Variants in NOA1 observed in about 807,000 individuals in gnomAD.
NOA1 encodes the protein nitric oxide-associated protein 1.
NOA1 carries 35 observed loss-of-function variants against 58.4 expected under a neutral mutation model. The ratio of observed to expected loss-of-function variants is 0.60; its 90% confidence interval spans 0.46 to 0.79. The LOEUF is 0.79. NOA1 is among the 30% of genes least tolerant of loss of function. NOA1 has a pLI of 0.00. For synonymous variants in NOA1, 397 were observed against 373.4 expected (o/e 1.06, Z -0.73); for missense variants, 895 against 894.6 (o/e 1.00, Z -0.01).
intron 1 of NOA1, among the ~76,000 whole-genome samples, 197 bp downstream of exon 1, chr4:56,976,242 TTAC>T (rs1721918462): frequency 6.6e-6 from 1 of 152,088 alleles, no homozygotes; most frequent in African/African-American, 2.4e-5. Context: ...CCATTGAAAA[TTAC>T]TACAACACAT....
intron 2 of NOA1, 50 bp from the exon 3 acceptor site, chr4:56,973,403 C>T (rs762469011): frequency 2.1e-6 from 3 of 1,416,014 alleles, no homozygotes; most frequent in Non-Finnish European, 3.0e-6. Flanking sequence ...ATACTTTTAA[C>T]TCCAGACATA....
At chr4:56,965,693 G>GGTGTGTGTGTGTGTGT (rs10548713) in intron 5 of NOA1, among the ~76,000 whole-genome samples, 25 of 149,172 alleles carry the variant, frequency 1.7e-4, no homozygotes, top group African/African-American at 5.9e-4. Flanking sequence ...TCCAAAGTAT[G>GGTGTGTGTGTGTGTGT]GTGTGTGTGT....
At chr4:56,966,117 C>T (rs1265397378) in intron 5 of NOA1, among the ~76,000 whole-genome samples, 1 of 150,522 alleles carries the variant, frequency 6.6e-6, no homozygotes, top group African/African-American at 2.5e-5. Context: ...ACCTCTGCCG[C>T]TCTGGTTCAA....
Position 56,963,489 on chromosome 4 carries a change from C to T in NOA1, c.2058G>A (p.Met686Ile), listed in dbSNP as rs1457445893. ...AYKTKKPPSL[M>I]YNVRKKKGKI... ...TTCCTTTCTTCTTCCTCACGTTGTA[C>T]ATAAGGGAAGGAGGCTTCTTGGTTT... Residue 686 changes from methionine (M) to isoleucine (I), a missense_variant, in exon 7 of 7, where the codon ATG (methionine) becomes ATA (isoleucine). Met to Ile is a conservative substitution (Grantham distance 10, BLOSUM62 1). This residue lies in a region of NOA1 where 212 missense variants were observed against 221.3 expected (regional missense o/e 0.96). Transcript: ENST00000264230. 1.8e-5 allele frequency: 29 copies of T among 1,613,930 alleles called. No homozygotes were observed. Among genetic ancestry groups the T allele is most frequent in the Admixed American group, 5.0e-5 (3 of 59,988 alleles).
chr4:56,964,727 A>G (rs1721666494), intron 5 of NOA1, among the ~76,000 whole-genome samples: 1 of 152,152 alleles, frequency 6.6e-6, no homozygotes, highest in Non-Finnish European at 1.5e-5. Flanking sequence ...AAGCTTACAA[A>G]TCTCAGGGCT....
chr4:56,970,077 C>A (rs1271688108), intron 3 of NOA1, among the ~76,000 whole-genome samples: 1 of 151,958 alleles, frequency 6.6e-6, no homozygotes, highest in African/African-American at 2.4e-5. Context: ...CACCATTGTG[C>A]CCAGCTGAGC....
intron 1 of NOA1, among the ~76,000 whole-genome samples, chr4:56,974,776 G>A (rs1291131966): frequency 6.6e-6 from 1 of 151,408 alleles, no homozygotes; most frequent in Admixed American, 6.6e-5. Context: ...GCAGTGGTGT[G>A]ATCTTGGCTC....
intron 3 of NOA1, among the ~76,000 whole-genome samples, chr4:56,969,242 A>G (rs1457180976): frequency 6.6e-6 from 1 of 152,236 alleles, no homozygotes; most frequent in African/African-American, 2.4e-5. Flanking sequence ...AAAAGAATAA[A>G]GAAGGTACAA....
At chr4:56,967,464 G>A (rs1721735545) in intron 4 of NOA1, among the ~76,000 whole-genome samples, 2 of 150,504 alleles carry the variant, frequency 1.3e-5, no homozygotes, top group African/African-American at 4.9e-5. Flanking sequence ...AAATATATAA[G>A]GGTTCTAAGT....
chr4:56,966,018 CTT>C (rs57382498), intron 5 of NOA1, among the ~76,000 whole-genome samples: 24 of 88,546 alleles, frequency 2.7e-4, no homozygotes, highest in East Asian at 9.4e-4. Context: ...AGCAAATTTT[CTT>C]TTTTTTTTTT....
At chr4:56,974,067 GGGAAGAA>G in intron 1 of NOA1, 45 bp from the exon 2 acceptor site, 2 of 1,209,778 alleles carry the variant, frequency 1.7e-6, no homozygotes, top group Admixed American at 2.4e-5. Context: ...GGGAATAAGG[GGGAAGAA>G]AATGAACATT....
At position 56,976,559 on chromosome 4, in the gene NOA1, A is replaced by C. The variant is rs1346728483; in HGVS notation, c.1027T>G (p.Leu343Val). 6.2e-7 allele frequency: 1 copy of C among 1,614,246 alleles called. No individual in the cohort carries two copies. Among genetic ancestry groups the C allele is most frequent in the East Asian group, 2.2e-5 (1 of 44,882 alleles). The change falls in exon 1 of 7, where the codon TTA becomes GTA. Residue 343 changes from leucine to valine, a missense_variant. Leu to Val is a conservative substitution (Grantham distance 32). This residue lies in a region of NOA1 where 680 missense variants were observed against 656.5 expected (regional missense o/e 1.04). Coordinates refer to ENST00000264230, the MANE Select transcript of NOA1 (RefSeq NM_032313.4). Reference protein sequence around the residue: ...RSWRYRGDVYLVGATNAGKST... With the variant: ...RSWRYRGDVYVVGATNAGKST... ...TTGCCGGCGTTGGTGGCGCCCACTA[A>C]GTAGACGTCCCCACGGTAGCGCCAG... is the stretch of plus-strand genomic sequence containing the variant.
rs1486766501 is a variant in NOA1 at position 56,963,468 on chromosome 4, TTTC to T, written c.2076_2078del (p.Lys693del). 1.9e-6 allele frequency: 3 copies of T among 1,613,956 alleles called. No homozygotes were observed. The highest frequency in any genetic ancestry group is 2.5e-6 in the Non-Finnish European group (3 of 1,179,912). Reference sequence around the variant, plus strand: ...GTCGGTCTCATACATTTATCTTTCCTTTCTTCTTCCTCACGTTGTACATAAGGG... The same window carrying T: ...GTCGGTCTCATACATTTATCTTTCCTTTCTTCCTCACGTTGTACATAAGGG... On this transcript the variant is annotated inframe_deletion, in exon 7 of 7. Coordinates refer to ENST00000264230, the MANE Select transcript of NOA1 (RefSeq NM_032313.4).
intron 5 of NOA1, 100 bp downstream of exon 5, chr4:56,966,520 T>C: frequency 2.8e-6 from 2 of 711,732 alleles, no homozygotes; most frequent in Non-Finnish European, 2.4e-6. Context: ...CTCAAGATAT[T>C]GTATAACAGT....
chr4:56,972,690 T>C (rs1721829554), intron 3 of NOA1, among the ~76,000 whole-genome samples: 1 of 152,008 alleles, frequency 6.6e-6, no homozygotes, highest in Admixed American at 6.6e-5. Context: ...GACTAGGGAG[T>C]TGGACTCCAG....
chr4:56,965,177 T>G (rs1229229344), intron 5 of NOA1, among the ~76,000 whole-genome samples: 2 of 152,006 alleles, frequency 1.3e-5, no homozygotes, highest in Middle Eastern at 3.2e-3. Flanking sequence ...TTTTTTTGTA[T>G]TTTTAGTAGA....
At position 56,963,651 on chromosome 4, in the gene NOA1, T is replaced by G. The variant is rs1199687566; in HGVS notation, c.1896A>C (p.Ser632=). Reference sequence around the variant, plus strand: ...GTCTGTCCTTAAAATTAGGTGTTACTGAAACCCAACCTATGCAGGCATGTG... The same window carrying G: ...GTCTGTCCTTAAAATTAGGTGTTACGGAAACCCAACCTATGCAGGCATGTG... ...DIKFSSAGWV[S]VTPNFKDRLH... Residue 632 remains serine, a synonymous_variant, in exon 7 of 7, where the codon TCA becomes TCC. Coordinates refer to ENST00000264230, the MANE Select transcript of NOA1 (RefSeq NM_032313.4). The G allele has an allele frequency of 1.2e-6, 2 of 1,614,060 alleles. No homozygotes were observed. The highest frequency in any genetic ancestry group is 1.7e-6 in the Non-Finnish European group (2 of 1,179,936).
chr4:56,974,848 C>G (rs926074237), intron 1 of NOA1, among the ~76,000 whole-genome samples: 1 of 151,758 alleles, frequency 6.6e-6, no homozygotes, highest in Non-Finnish European at 1.5e-5. Context: ...ATTACAGGCA[C>G]CAGCTACCAA....
rs1213572634 is a variant in NOA1, at chr4:56,963,494, G to A, written c.2053C>T (p.Leu685Phe). 1 of 1,613,910 alleles carries A rather than the reference G, an allele frequency of 6.2e-7. No homozygotes were observed. The highest frequency in any genetic ancestry group is 8.5e-7 in the Non-Finnish European group (1 of 1,180,024). Residue 685 changes from leucine (L) to phenylalanine (F), a missense_variant, in exon 7 of 7, where the codon CTT becomes TTT. This residue lies in a region of NOA1 where 212 missense variants were observed against 221.3 expected (regional missense o/e 0.96). Transcript: ENST00000264230. ...VAYKTKKPPS[L>F]MYNVRKKKGK... Reference sequence around the variant, plus strand: ...TTCTTCTTCCTCACGTTGTACATAAGGGAAGGAGGCTTCTTGGTTTTATAG... The same window carrying A: ...TTCTTCTTCCTCACGTTGTACATAAAGGAAGGAGGCTTCTTGGTTTTATAG...
Sources: allele counts gnomAD v4.1 joint callset (sites outside exome capture counted in the v4.1 genomes callset), GRCh38; gene constraint gnomAD v4.1.1; regional missense constraint gnomAD v4.1.1; transcripts MANE v1.5; gene names NCBI Gene and HGNC (gene_info 2026-07-23, HGNC 2026-07-21).